DNAH6: variants seen among roughly 807,000 people sequenced by gnomAD.
DNAH6 encodes axonemal beta dynein heavy chain 6.
Under a neutral mutation model 491.4 loss-of-function variants are expected in DNAH6, and 340 were observed. The ratio of observed to expected loss-of-function variants is 0.69; its 90% CI spans 0.63 to 0.76. DNAH6 has a LOEUF of 0.76. Ranked by LOEUF, DNAH6 falls within the 30% of genes least tolerant of loss-of-function variation. DNAH6 has a pLI of 0.00. For missense variants in DNAH6, 4,443 were observed against 4,972.2 expected, an observed-to-expected ratio of 0.89 and a Z score of 3.20; for synonymous variants, 1,603 against 1,686.1, an observed-to-expected ratio of 0.95 and a Z score of 1.21.
chr2:84,715,394 G>T (rs955917611), intron 57 of DNAH6, among the ~76,000 whole-genome samples, 166 bp from the exon 58 acceptor site: 2 of 152,154 alleles, frequency 1.3e-5, no homozygotes, highest in Admixed American at 1.3e-4. Context: ...AACATATGAG[G>T]ATTTTATAAG....
chr2:84,730,261 G>T (rs976209885), intron 61 of DNAH6, among the ~76,000 whole-genome samples: 1 of 152,182 alleles, frequency 6.6e-6, no homozygotes, highest in African/African-American at 2.4e-5. Context: ...TTCCAGGATT[G>T]AACCACAACA....
chr2:84,466,093 A>G, the DNAH6 span, among the ~76,000 whole-genome samples: 2 of 152,172 alleles, frequency 1.3e-5, no homozygotes, highest in Admixed American at 6.5e-5. Flanking sequence ...TCTCCTTTTG[A>G]GGTCCCAAGG....
chr2:84,602,015 T>C (rs1287684004), intron 18 of DNAH6, among the ~76,000 whole-genome samples: 2 of 152,054 alleles, frequency 1.3e-5, no homozygotes, highest in Non-Finnish European at 2.9e-5. Flanking sequence ...ACACACCCAA[T>C]TAATTCCTCC....
rs1028279044 is a variant in DNAH6 at position 84,720,398 on chromosome 2, C to T, written c.9792+2014C>T. Among the ~76,000 whole-genome samples the T allele has an allele frequency of 1.2e-3, 185 of 148,830 alleles. 1 individual carries two copies. The highest frequency in any genetic ancestry group is 4.4e-3 in the African/African-American group (180 of 40,634). On this transcript the variant is annotated intron_variant, in intron 59 of 76. Coordinates refer to ENST00000389394, the MANE Select transcript of DNAH6 (RefSeq NM_001370.2). ...GGTTCACGCCATTCTCCTGCCTCAG[C>T]CTCCCAAGTAGCTGGGACTACAGGC...
At chr2:84,553,273 A>G (rs955544315) in intron 10 of DNAH6, among the ~76,000 whole-genome samples, 17 of 152,346 alleles carry the variant, frequency 1.1e-4, no homozygotes, top group African/African-American at 4.1e-4. Flanking sequence ...AAAACATTCT[A>G]TACAAAATTT....
chr2:84,595,884 T>A, intron 18 of DNAH6, 95 bp downstream of exon 18: 1 of 1,261,346 alleles, frequency 7.9e-7, no homozygotes, highest in Non-Finnish European at 1.0e-6. Flanking sequence ...CCTGATTAAG[T>A]TAGTCAGCTT....
At chr2:84,543,118 G>A (rs996055588) in intron 4 of DNAH6, among the ~76,000 whole-genome samples, 3 of 152,020 alleles carry the variant, frequency 2.0e-5, no homozygotes, top group African/African-American at 4.8e-5. Context: ...AAGTTTGCAC[G>A]GCTGCATTCC....
chr2:84,583,769 T>C (rs946677840), intron 14 of DNAH6, among the ~76,000 whole-genome samples: 5 of 152,196 alleles, frequency 3.3e-5, no homozygotes, highest in Admixed American at 6.5e-5. Flanking sequence ...TGCCTTTGCT[T>C]CTCCCTTGCC....
In DNAH6 at chr2:84,669,385, C is replaced by A; in HGVS notation, c.6181C>A (p.Arg2061=). The change falls in exon 38 of 77, where the codon CGA becomes AGA. Residue 2061 remains arginine, a synonymous_variant. Coordinates refer to ENST00000389394, the MANE Select transcript of DNAH6 (RefSeq NM_001370.2). The part of the protein sequence containing the change: ...ERIIPTFKYN[R]DVPFFEMLVP... ...AATCATACCTACTTTCAAATACAAC[C>A]GAGATGTTCCATTTTTTGAAATGCT... 1.9e-6 allele frequency: 3 copies of A among 1,551,904 alleles called. No individual in the cohort carries two copies. The highest frequency in any genetic ancestry group is 1.7e-6 in the Non-Finnish European group (2 of 1,146,994).
chr2:84,625,139 A>G (rs1687742537), intron 29 of DNAH6, 76 bp downstream of exon 29: 1 of 1,312,696 alleles, frequency 7.6e-7, no homozygotes, highest in East Asian at 2.7e-5. Flanking sequence ...ACATAACAAA[A>G]TAAGGCAAGA....
intron 14 of DNAH6, among the ~76,000 whole-genome samples, chr2:84,580,198 A>G (rs995987875): frequency 5.3e-5 from 8 of 152,156 alleles, no homozygotes; most frequent in African/African-American, 1.7e-4. Context: ...AAGAAACCCA[A>G]CACAAACCCG....
In DNAH6 at chr2:84,624,956, C is replaced by T; in HGVS notation, c.4408C>T (p.Pro1470Ser). The change falls in exon 29 of 77, where the codon CCA becomes TCA. Residue 1470 changes from proline (P) to serine (S), a missense_variant. Transcript: ENST00000389394. The stretch of plus-strand genomic sequence containing the variant: ...TTTGCAGCTTGACCTTGGGGGTGCA[C>T]CAGCTGGTCCTGCTGGCACTGGGAA... ...GALQLDLGGAPAGPAGTGKTE... is the reference protein window; with the variant it reads ...GALQLDLGGASAGPAGTGKTE... The T allele has an allele frequency of 6.4e-7, 1 of 1,551,656 alleles. No individual in the cohort carries two copies. Among genetic ancestry groups the T allele is most frequent in the Non-Finnish European group, 8.7e-7 (1 of 1,146,924 alleles).
the DNAH6 span, among the ~76,000 whole-genome samples, chr2:84,464,760 T>G: frequency 2.1e-4 from 32 of 152,068 alleles, no homozygotes; most frequent in African/African-American, 7.5e-4. Flanking sequence ...CATTTTGGTT[T>G]TGGTGGGTTT....
intron 42 of DNAH6, among the ~76,000 whole-genome samples, chr2:84,684,742 G>T (rs1444175129): frequency 6.6e-6 from 1 of 152,210 alleles, no homozygotes; most frequent in African/African-American, 2.4e-5. Flanking sequence ...CTGTGGAGAA[G>T]TACCATTTCC....
chr2:84,675,638 T>G (rs915625271), intron 40 of DNAH6, among the ~76,000 whole-genome samples: 1 of 152,114 alleles, frequency 6.6e-6, no homozygotes, highest in African/African-American at 2.4e-5. Flanking sequence ...TCAAAAAACT[T>G]ACTGTGATTT....
chr2:84,621,070 C>A, intron 24 of DNAH6, 121 bp from the exon 25 acceptor site: 1 of 948,972 alleles, frequency 1.1e-6, no homozygotes, highest in Non-Finnish European at 1.5e-6. Context: ...ATAGAAGTTT[C>A]AGTATTTGTG....
chr2:84,772,070 CAA>C (rs1675677683), intron 64 of DNAH6, among the ~76,000 whole-genome samples: 1 of 152,044 alleles, frequency 6.6e-6, no homozygotes, highest in Non-Finnish European at 1.5e-5. Flanking sequence ...AATAACAACA[CAA>C]GAGAGGGCAG....
intron 63 of DNAH6, among the ~76,000 whole-genome samples, chr2:84,756,137 A>G (rs1025561492): frequency 1.3e-5 from 2 of 152,204 alleles, no homozygotes; most frequent in Admixed American, 6.5e-5. Flanking sequence ...GGACTCATAC[A>G]CTATCCCTTA....
At chr2:84,763,740 G>A (rs982711495) in intron 64 of DNAH6, among the ~76,000 whole-genome samples, 16 of 150,962 alleles carry the variant, frequency 1.1e-4, no homozygotes, top group East Asian at 1.9e-4. Context: ...GTGTGTGTGT[G>A]TGTGTGTGTG....
Sources: gnomAD v4.1 joint callset for allele counts (sites outside exome capture counted in the v4.1 genomes callset) on GRCh38, gnomAD v4.1.1 for gene constraint, MANE v1.5 for transcripts, NCBI Gene and HGNC (gene_info 2026-07-23, HGNC 2026-07-21) for gene names.